Variants in ZNF516 observed in about 807,000 individuals in gnomAD.
ZNF516 encodes the protein zinc finger protein 516.
In ZNF516, 19 loss-of-function variants were observed where a neutral mutation model predicts 79.7. The ratio of observed to expected loss-of-function variants is 0.24; its 90% confidence interval spans 0.17 to 0.35. The LOEUF (loss-of-function observed/expected upper bound fraction) is 0.35, where lower values mean the gene tolerates loss of function less well. Among genes scored for constraint, ZNF516 ranks in the 10% least tolerant of loss-of-function variants. The pLI is 1.00. For missense variants in ZNF516, 1,678 were observed against 1,679.5 expected, an observed-to-expected ratio of 1.00 and a Z score of 0.02; for synonymous variants, 877 against 739.5, an observed-to-expected ratio of 1.19 and a Z score of -3.02.
intron 1 of ZNF516, chr18:76,492,483 T>C: frequency 1.7e-6 from 1 of 578,906 alleles, no homozygotes; most frequent in Non-Finnish European, 2.2e-6. Context: ...CCTTCTAGAA[T>C]TTGCCAGGGA....
At chr18:76,431,571 G>A (rs2075661577) in intron 3 of ZNF516, among the ~76,000 whole-genome samples, 1 of 152,232 alleles carries the variant, frequency 6.6e-6, no homozygotes, top group African/African-American at 2.4e-5. Context: ...GGCCCGAGGG[G>A]CGGTGTCTGG....
At chr18:76,492,274 G>A (rs1599175830) in intron 1 of ZNF516, 1 of 985,456 alleles carries the variant, frequency 1.0e-6, no homozygotes, top group Non-Finnish European at 1.2e-6. Context: ...GCTTCCCGAG[G>A]TGCGTACTAC....
chr18:76,366,741 GA>G (rs1354277250), intron 6 of ZNF516, among the ~76,000 whole-genome samples: 5 of 152,202 alleles, frequency 3.3e-5, no homozygotes, highest in Non-Finnish European at 5.9e-5. Context: ...TAGACTAAAT[GA>G]CAAGAGGTCA....
chr18:76,496,279 G>T (rs1915479410), upstream of ZNF516: 3 of 1,288,074 alleles, frequency 2.3e-6, no homozygotes, highest in South Asian at 3.7e-5. Context: ...CTCCCACCAG[G>T]CTCCTGGCCG....
rs2075730743 is a variant in ZNF516 at position 76,436,130 on chromosome 18, A to C, written c.1810+5115T>G. Among the ~76,000 whole-genome samples, 3 of 152,140 alleles carry C rather than the reference A, an allele frequency of 2.0e-5. No homozygotes were observed. In the South Asian group the frequency reaches 6.2e-4, roughly 32 times the overall value. On this transcript the variant is annotated intron_variant, in intron 3 of 6. Transcript: ENST00000443185. ...AACTGGGCAGAGCCCGGCCGAATGA[A>C]CCTGTCTGGATACTAAGGGGGGCTG...
intron 3 of ZNF516, among the ~76,000 whole-genome samples, chr18:76,425,562 G>C (rs1005259285): frequency 6.6e-6 from 1 of 152,188 alleles, no homozygotes; most frequent in African/African-American, 2.4e-5. Flanking sequence ...GCCACTGACA[G>C]GGCTAAACAT....
chr18:76,379,741 A>G lies in ZNF516; in HGVS notation c.2373T>C (p.Ala791=), dbSNP rs2074857478. 2 of 1,613,822 alleles carry G rather than the reference A, an allele frequency of 1.2e-6. No individual in the cohort carries two copies. The highest frequency in any genetic ancestry group is 1.7e-6 in the Non-Finnish European group (2 of 1,179,862). ...AACCATTGGGCTGAATCCACGGGGGAGCCACGGAGTTGCAGCTGACGCGGT... is the reference window on the plus strand; with the variant it reads ...AACCATTGGGCTGAATCCACGGGGGGGCCACGGAGTTGCAGCTGACGCGGT... ...IWHRVSCNSV[A]PPWIQPNGYK... The change falls in exon 4 of 7, where the codon GCT becomes GCC. Residue 791 remains alanine (A), a synonymous_variant. Coordinates refer to ENST00000443185, the MANE Select transcript of ZNF516 (RefSeq NM_014643.4).
intron 1 of ZNF516, among the ~76,000 whole-genome samples, chr18:76,473,533 G>A (rs1037791046): frequency 3.3e-5 from 5 of 152,144 alleles, no homozygotes; most frequent in African/African-American, 7.2e-5. Flanking sequence ...TGGGTGCGGT[G>A]GCTCACGCCT....
In ZNF516 at chr18:76,483,829, A is replaced by G. The variant is rs544517601; in HGVS notation, c.-272+11315T>C. On this transcript the variant is annotated intron_variant, in intron 1 of 6. Transcript: ENST00000443185. ...CCACTGCGGGGCTGGGAATCTGCGCAGATAGCTGCCTGGTCTTTGGTGACC... is the reference window on the plus strand; with the variant it reads ...CCACTGCGGGGCTGGGAATCTGCGCGGATAGCTGCCTGGTCTTTGGTGACC... Among the ~76,000 whole-genome samples, 3 of 152,372 alleles carry G rather than the reference A, an allele frequency of 2.0e-5. No homozygotes were observed. In the East Asian group the frequency reaches 5.8e-4, roughly 29 times the overall value.
At chr18:76,462,189 AC>A (rs35813281) in intron 2 of ZNF516, among the ~76,000 whole-genome samples, 3,421 of 152,226 alleles carry the variant, frequency 0.022, 49 homozygotes, top group Middle Eastern at 0.034. Flanking sequence ...GCCAGAGGCC[AC>A]CCCATCACAG....
intron 3 of ZNF516, among the ~76,000 whole-genome samples, chr18:76,424,756 C>CG (rs1332674085): frequency 1.6e-5 from 2 of 128,682 alleles, no homozygotes; most frequent in Non-Finnish European, 1.6e-5. Flanking sequence ...AAGGCTCCCC[C>CG]AAAACACACG....
At chr18:76,476,352 T>C (rs190161393) in intron 1 of ZNF516, among the ~76,000 whole-genome samples, 2 of 152,364 alleles carry the variant, frequency 1.3e-5, no homozygotes, top group East Asian at 3.9e-4. Flanking sequence ...TTATACAAGA[T>C]AAACAAAGAG....
At chr18:76,468,116 G>C (rs1284739474) in intron 1 of ZNF516, among the ~76,000 whole-genome samples, 5 of 152,190 alleles carry the variant, frequency 3.3e-5, no homozygotes, top group African/African-American at 1.2e-4. Flanking sequence ...CTCTGGCTCT[G>C]ATGGATCAAA....
chr18:76,378,658 G>A (rs1190218013), intron 4 of ZNF516, among the ~76,000 whole-genome samples, 197 bp downstream of exon 4: 2 of 152,340 alleles, frequency 1.3e-5, no homozygotes, highest in Middle Eastern at 3.4e-3. Flanking sequence ...GCAGAATGTG[G>A]AGCCTGGGAG....
chr18:76,364,880 G>C (rs1415197934), intron 6 of ZNF516, among the ~76,000 whole-genome samples: 2 of 152,144 alleles, frequency 1.3e-5, no homozygotes, highest in Non-Finnish European at 2.9e-5. Context: ...GGGGATTTTG[G>C]GTAATTCGCC....
In ZNF516 at chr18:76,368,301, C is replaced by T. The variant is rs111483683; in HGVS notation, c.3432+2227G>A. Among the ~76,000 whole-genome samples the T allele has an allele frequency of 6.2e-3, 947 of 152,026 alleles. 6 individuals are homozygous for T. Among genetic ancestry groups the T allele is most frequent in the African/African-American group, 0.022 (893 of 41,452 alleles). Reference sequence around the variant, plus strand: ...TAGGAATGCTTATAGTTCCAAAGTACGTTAAGGAAAATGGAATTTCCTTAG... The same window carrying T: ...TAGGAATGCTTATAGTTCCAAAGTATGTTAAGGAAAATGGAATTTCCTTAG... On this transcript the variant is annotated intron_variant, in intron 6 of 6. Transcript: ENST00000443185.
In ZNF516 at chr18:76,441,360, G is replaced by T. The variant is rs988954110; in HGVS notation, c.1695C>A (p.Ala565=). The T allele has an allele frequency of 6.2e-7, 1 of 1,611,402 alleles. No individual in the cohort carries two copies. Among genetic ancestry groups the T allele is most frequent in the Non-Finnish European group, 8.5e-7 (1 of 1,179,372 alleles). ...CGGAGCCAGGGCTGCTGGGCTGGGA[G>T]GCCGAGTCACCCTCACTGAGTGATC... is the stretch of plus-strand genomic sequence containing the variant. ...RCGSLSEGDS[A]SQPSSPGSAC... Residue 565 remains alanine (A), a synonymous_variant, in exon 3 of 7, where the codon GCC becomes GCA. Coordinates refer to ENST00000443185, the MANE Select transcript of ZNF516 (RefSeq NM_014643.4).
upstream of ZNF516, chr18:76,495,519 G>A (rs1915447264): frequency 5.0e-6 from 1 of 200,112 alleles, no homozygotes; most frequent in East Asian, 1.8e-4. Context: ...ACAAAGTTCT[G>A]CCACACTGAG....
chr18:76,367,390 A>G (rs1305885688), intron 6 of ZNF516, among the ~76,000 whole-genome samples: 2 of 152,106 alleles, frequency 1.3e-5, no homozygotes, highest in Non-Finnish European at 2.9e-5. Context: ...ATTCTTCTCA[A>G]GCTACAACTC....
Sources: gnomAD v4.1 joint callset for allele counts (sites outside exome capture counted in the v4.1 genomes callset) on GRCh38, gnomAD v4.1.1 for gene constraint, MANE v1.5 for transcripts, NCBI Gene and HGNC (gene_info 2026-07-23, HGNC 2026-07-21) for gene names.